Variants in PATL2 observed in about 807,000 individuals in gnomAD.
PATL2 encodes protein PAT1 homolog 2.
Under a neutral mutation model 77.0 loss-of-function variants are expected in PATL2, and 73 were observed. The observed-to-expected ratio is 0.95, with a 90% confidence interval of 0.78 to 1.15. The LOEUF (loss-of-function observed/expected upper bound fraction) is 1.15. Among genes scored for constraint, PATL2 ranks in the 50% most tolerant of loss-of-function variants. The probability of loss-of-function intolerance (pLI) is 0.00; values close to 1 mark genes in which losing one functional copy is unlikely to be tolerated. For missense variants in PATL2, 618 were observed against 655.4 expected (o/e 0.94, Z 0.62); for synonymous variants, 265 against 257.1 (o/e 1.03, Z -0.29).
At chr15:44,674,435 G>C (rs949219187) in intron 5 of PATL2, 1 of 560,396 alleles carries the variant, frequency 1.8e-6, no homozygotes, top group African/African-American at 1.9e-5. Flanking sequence ...GACTAGTGCA[G>C]TGGTCCTCCC....
In PATL2 at chr15:44,668,364, A is replaced by G; in HGVS notation, c.1343T>C (p.Val448Ala). The change falls in exon 15 of 18, where the codon GTC becomes GCC. Residue 448 changes from valine to alanine, a missense_variant. Physicochemically the swap from Val to Ala is moderately conservative, Grantham distance 64 (BLOSUM62 0). Transcript: ENST00000682850. ...TACCTGATTCTGAAGCACCACGGTGACTGGCCGCTCTGAGGAGCCAGGTGG... is the reference window on the plus strand; with the variant it reads ...TACCTGATTCTGAAGCACCACGGTGGCTGGCCGCTCTGAGGAGCCAGGTGG... ...LLPPGSSERP[V>A]TVVLQNQFGI... 6.4e-7 allele frequency: 1 copy of G among 1,550,970 alleles called. No individual in the cohort carries two copies. Among genetic ancestry groups the G allele is most frequent in the Non-Finnish European group, 8.7e-7 (1 of 1,146,898 alleles).
intron 3 of PATL2, among the ~76,000 whole-genome samples, chr15:44,703,216 C>T (rs1389893513): frequency 6.6e-6 from 1 of 152,088 alleles, no homozygotes; most frequent in African/African-American, 2.4e-5. Flanking sequence ...GTGGAGCTTG[C>T]AGTAAGCTGA....
rs769810588 is a variant in PATL2 at position 44,676,450 on chromosome 15, A to C, written c.16+25T>G. On this transcript the variant is annotated intron_variant, in intron 4 of 17. Transcript: ENST00000682850. ...CTCTGCATGCTGGGGCATTTTATAT[A>C]ACATCACGGCCCACTTGTTGATACC... 11 of 1,536,526 alleles carry C rather than the reference A, an allele frequency of 7.2e-6. No homozygotes were observed. The South Asian group carries it at 1.2e-4, about 17-fold the overall frequency.
intron 11 of PATL2, 96 bp from the exon 12 acceptor site, chr15:44,669,659 G>T (rs1161758996): frequency 6.6e-7 from 1 of 1,515,016 alleles, no homozygotes; most frequent in African/African-American, 1.4e-5. Flanking sequence ...GGAAAGGCTA[G>T]AAACAAAGTC....
chr15:44,674,429 A>G, intron 5 of PATL2, 199 bp from the exon 6 acceptor site: 1 of 568,560 alleles, frequency 1.8e-6, no homozygotes, highest in Non-Finnish European at 3.1e-6. Context: ...GAATAAGACT[A>G]GTGCAGTGGT....
chr15:44,672,559 C>T (rs762103291), intron 7 of PATL2, 103 bp from the exon 8 acceptor site: 3 of 1,181,720 alleles, frequency 2.5e-6, no homozygotes, highest in Non-Finnish European at 3.6e-6. Context: ...TCTAAGGAAC[C>T]TTATCTGTTT....
chr15:44,694,121 T>C (rs1480943064), intron 3 of PATL2, among the ~76,000 whole-genome samples: 1 of 152,312 alleles, frequency 6.6e-6, no homozygotes, highest in East Asian at 1.9e-4. Flanking sequence ...CCCAATTTTG[T>C]GGAACCTTCC....
chr15:44,669,446 T>A, intron 12 of PATL2, 33 bp from the exon 13 acceptor site: 1 of 1,548,784 alleles, frequency 6.5e-7, no homozygotes, highest in Non-Finnish European at 8.7e-7. Flanking sequence ...AAGAGGTAAA[T>A]TTGGGTAATA....
chr15:44,700,992 A>C (rs571053523), intron 3 of PATL2, among the ~76,000 whole-genome samples: 1 of 152,162 alleles, frequency 6.6e-6, no homozygotes, highest in East Asian at 1.9e-4. Flanking sequence ...GTTGAATTTT[A>C]TCAACTGTTT....
At chr15:44,679,761 TTTA>T (rs2086091651) in intron 3 of PATL2, among the ~76,000 whole-genome samples, 1 of 152,178 alleles carries the variant, frequency 6.6e-6, no homozygotes, top group Non-Finnish European at 1.5e-5. Context: ...GTTTGTCTAT[TTTA>T]TTAGTCTTTT....
At chr15:44,708,389 T>C (rs2141277773) in intron 3 of PATL2, among the ~76,000 whole-genome samples, 1 of 152,328 alleles carries the variant, frequency 6.6e-6, no homozygotes, top group East Asian at 1.9e-4. Context: ...ATACAATAAG[T>C]TCTAAAATAT....
Position 44,666,550 on chromosome 15 carries a change from C to A in PATL2, c.1464-9G>T. ...GAACCACCATGTCTGTCCTAGAGAG[C>A]ATAAATATAAATATAAGCAAATAGA... On this transcript the variant is annotated splice_polypyrimidine_tract_variant and intron_variant, in intron 16 of 17. Transcript: ENST00000682850. 6.6e-7 allele frequency: 1 copy of A among 1,504,684 alleles called. No individual in the cohort carries two copies. The highest frequency in any genetic ancestry group is 8.9e-7 in the Non-Finnish European group (1 of 1,127,684). The allele number at this position is 1,504,684 out of a possible 1,614,324, so 93.2% of individuals were successfully genotyped here.
chr15:44,676,388 T>C, intron 4 of PATL2, 87 bp downstream of exon 4: 1 of 1,187,934 alleles, frequency 8.4e-7, no homozygotes, highest in Non-Finnish European at 1.2e-6. Context: ...CCAGTGACTC[T>C]GGACATCCAA....
chr15:44,668,385 G>A lies in PATL2; in HGVS notation c.1322C>T (p.Pro441Leu), dbSNP rs1181890772. The A allele has an allele frequency of 3.2e-6, 5 of 1,551,128 alleles. No homozygotes were observed. The highest frequency in any genetic ancestry group is 4.4e-6 in the Non-Finnish European group (5 of 1,146,992). ...GGTGACTGGCCGCTCTGAGGAGCCAGGTGGCAACAGCGTTAATCCCTGAAG... is the reference window on the plus strand; with the variant it reads ...GGTGACTGGCCGCTCTGAGGAGCCAAGTGGCAACAGCGTTAATCCCTGAAG... Reference protein sequence around the residue: ...QGLQGLTLLPPGSSERPVTVV... With the variant: ...QGLQGLTLLPLGSSERPVTVV... Residue 441 changes from proline (P) to leucine (L), a missense_variant, in exon 15 of 18, where the codon CCT (proline) becomes CTT (leucine). Coordinates refer to ENST00000682850, the MANE Select transcript of PATL2 (RefSeq NM_001387263.1).
chr15:44,685,740 A>G (rs1440293934), intron 3 of PATL2, among the ~76,000 whole-genome samples: 1 of 152,240 alleles, frequency 6.6e-6, no homozygotes, highest in Non-Finnish European at 1.5e-5. Context: ...GAAAGCAAAT[A>G]AAGCAGGGGT....
chr15:44,695,194 A>C (rs1041536013), intron 3 of PATL2, among the ~76,000 whole-genome samples: 5 of 152,134 alleles, frequency 3.3e-5, no homozygotes, highest in Non-Finnish European at 7.4e-5. Flanking sequence ...TCAAAAAAAA[A>C]AAAGCAGTTA....
At chr15:44,702,223 T>C (rs1247538231) in intron 3 of PATL2, among the ~76,000 whole-genome samples, 2 of 152,148 alleles carry the variant, frequency 1.3e-5, no homozygotes, top group Non-Finnish European at 2.9e-5. Context: ...TGGCAGGTTG[T>C]ATGTGTCTAG....
chr15:44,666,027 ATGATT>A, intron 17 of PATL2, 56 bp from the exon 18 acceptor site: 2 of 1,426,780 alleles, frequency 1.4e-6, no homozygotes, highest in South Asian at 2.6e-5. Context: ...AAGTATTTAT[ATGATT>A]TAATTAGTAT....
rs368516499 is a variant in PATL2, at chr15:44,673,369, G to A, written c.312C>T (p.Asp104=). Residue 104 remains aspartate (D), a synonymous_variant, in exon 7 of 18, where the codon GAC becomes GAT. Transcript: ENST00000682850. ...ASLHFLWQTL[D]YLSPIPFWPT... is the part of the protein sequence containing the mutation. ...GCCAGAAAGGGATGGGCGACAGGTAGTCCAAGGTCTGAGAGAGGAATTAAG... is the reference window on the plus strand; with the variant it reads ...GCCAGAAAGGGATGGGCGACAGGTAATCCAAGGTCTGAGAGAGGAATTAAG... 2.0e-4 allele frequency: 316 copies of A among 1,551,690 alleles called. No individual in the cohort carries two copies. Among genetic ancestry groups the A allele is most frequent in the Non-Finnish European group, 2.6e-4 (301 of 1,146,966 alleles).
Sources: gnomAD v4.1 joint callset for allele counts (sites outside exome capture counted in the v4.1 genomes callset) on GRCh38, gnomAD v4.1.1 for gene constraint, MANE v1.5 for transcripts, NCBI Gene and HGNC (gene_info 2026-07-23, HGNC 2026-07-21) for gene names.